The following AXIN1 variants were observed in gnomAD, a reference collection of about 807,000 sequenced individuals.
The protein encoded by AXIN1 is axin-1.
Under a neutral mutation model 76.4 loss-of-function variants are expected in AXIN1, and 30 were observed. The observed-to-expected ratio is 0.39, with a 90% CI of 0.29 to 0.53. The LOEUF (loss-of-function observed/expected upper bound fraction) is 0.53, where lower values mean the gene tolerates loss of function less well. AXIN1 is among the 20% of genes least tolerant of loss of function. AXIN1 has a pLI of 0.66. For synonymous variants in AXIN1, 545 were observed against 501.4 expected (o/e 1.09, Z -1.16); for missense variants, 1,140 against 1,198.8 (o/e 0.95, Z 0.72).
chr16:289,295 A>C, intron 10 of AXIN1, 145 bp downstream of exon 10: 1 of 1,023,550 alleles, frequency 9.8e-7, no homozygotes, highest in Non-Finnish European at 1.5e-6. Context: ...CGAACTGCTG[A>C]GCTGAGGCAA....
At chr16:334,792 G>T (rs529655228) in intron 2 of AXIN1, among the ~76,000 whole-genome samples, 1 of 150,120 alleles carries the variant, frequency 6.7e-6, no homozygotes, top group South Asian at 2.1e-4. Context: ...GCCACAGCAT[G>T]CCAATAACAC....
intron 2 of AXIN1, among the ~76,000 whole-genome samples, chr16:337,858 T>C (rs1179449142): frequency 1.3e-5 from 2 of 152,240 alleles, no homozygotes; most frequent in Admixed American, 6.5e-5. Context: ...GGGGGCCCCC[T>C]GGACGCCACA....
At chr16:289,747 GC>G (rs200153447) in intron 9 of AXIN1, 140 bp from the exon 10 acceptor site, 5 of 1,003,978 alleles carry the variant, frequency 5.0e-6, no homozygotes, top group South Asian at 2.9e-5. Context: ...CCTGGGGCCC[GC>G]AGCCCCCGCA....
chr16:344,732 G>A (rs887306469), intron 2 of AXIN1, among the ~76,000 whole-genome samples: 52 of 152,154 alleles, frequency 3.4e-4, no homozygotes, highest in African/African-American at 1.0e-3. Context: ...CAGGTGATTC[G>A]CCCGCCTCGG....
intron 2 of AXIN1, among the ~76,000 whole-genome samples, chr16:326,354 C>CAAA (rs1187459071): frequency 0.074 from 4,734 of 63,784 alleles, 269 homozygotes; most frequent in Non-Finnish European, 0.11. Context: ...AACTCCGTCT[C>CAAA]AAAAAAAAAA....
chr16:318,470 T>C (rs2053355026), intron 2 of AXIN1, among the ~76,000 whole-genome samples: 1 of 152,142 alleles, frequency 6.6e-6, no homozygotes, highest in South Asian at 2.1e-4. Flanking sequence ...GCCCTGGCTC[T>C]CAGGATCTGC....
At chr16:302,693 T>C (rs2052906549) in intron 5 of AXIN1, among the ~76,000 whole-genome samples, 1 of 152,144 alleles carries the variant, frequency 6.6e-6, no homozygotes, top group African/African-American at 2.4e-5. Flanking sequence ...CCGAGGGGTC[T>C]CCTGTGGTCT....
At chr16:350,539 T>C (rs892947489) in intron 1 of AXIN1, among the ~76,000 whole-genome samples, 1 of 152,214 alleles carries the variant, frequency 6.6e-6, no homozygotes, top group African/African-American at 2.4e-5. Flanking sequence ...TGTAGGTATT[T>C]ATTTTACCCA....
Position 293,237 on chromosome 16 carries a change from C to T in AXIN1, c.2186+251G>A. 3.5e-6 allele frequency: 2 copies of T among 567,984 alleles called. No homozygotes were observed. The highest frequency in any genetic ancestry group is 6.3e-6 in the Non-Finnish European group (2 of 317,080). 35.2% of individuals were successfully genotyped at this position (567,984 alleles called of 1,614,324 possible). On this transcript the variant is annotated intron_variant, in intron 8 of 10. Coordinates refer to ENST00000262320, the MANE Select transcript of AXIN1 (RefSeq NM_003502.4). This position sits in a 1 kb window ranked among gnomAD's most constrained non-coding sequence, Gnocchi z 4.6. ...AGACTGGGCTCAGGTTGAGGAGGGA[C>T]CCCGCCTCCAGAGCAATGAGCGCGG...
chr16:314,458 T>C (rs1456227143), intron 3 of AXIN1, 85 bp downstream of exon 3: 1 of 1,586,418 alleles, frequency 6.3e-7, no homozygotes, highest in Non-Finnish European at 8.6e-7. Context: ...GACTTACACA[T>C]TGCTGTCCTC....
At chr16:321,238 A>G (rs2053450745) in intron 2 of AXIN1, among the ~76,000 whole-genome samples, 1 of 150,642 alleles carries the variant, frequency 6.6e-6, no homozygotes, top group African/African-American at 2.4e-5. Flanking sequence ...AGGAGCCGCC[A>G]CCCTCCCTGG....
chr16:287,548 C>T lies in AXIN1; in HGVS notation c.*574G>A, dbSNP rs575891478. 2 of 255,774 alleles carry T rather than the reference C, an allele frequency of 7.8e-6. No homozygotes were observed. The highest frequency in any genetic ancestry group is 5.1e-5 in the East Asian group (1 of 19,682). The allele number at this position is 255,774 out of a possible 1,614,324, so 15.8% of individuals were successfully genotyped here. A position where few individuals can be genotyped will look rare whatever the true frequency, so the allele number is the denominator to read the frequency against. ...AACAGACTCGGGCAGCCCCTGCTGG[C>T]CTAGCCTGAGAAATGTACATATTTA... On this transcript the variant is annotated 3_prime_UTR_variant, in exon 11 of 11. Transcript: ENST00000262320.
At chr16:345,532 T>G (rs561915049) in intron 2 of AXIN1, among the ~76,000 whole-genome samples, 1 of 152,136 alleles carries the variant, frequency 6.6e-6, no homozygotes, top group African/African-American at 2.4e-5. Flanking sequence ...CTGGCCAACA[T>G]GGAGAAACCC....
rs1018239077 is a variant in AXIN1, at chr16:340,993, G to C, written c.878+5155C>G. Among the ~76,000 whole-genome samples, 12 of 152,380 alleles carry C rather than the reference G, an allele frequency of 7.9e-5. No individual in the cohort carries two copies. The East Asian group carries it at 1.4e-3, about 17-fold the overall frequency. On this transcript the variant is annotated intron_variant, in intron 2 of 10. Transcript: ENST00000262320. ...CCGCAGGGGATGAGCGACTGTGGCA[G>C]AGATGCAGGCAAAGTAGCCTCCAGG...
intron 2 of AXIN1, among the ~76,000 whole-genome samples, chr16:337,870 CA>C (rs2053840031): frequency 1.3e-5 from 2 of 152,248 alleles, no homozygotes; most frequent in Non-Finnish European, 1.5e-5. Flanking sequence ...GACGCCACAG[CA>C]GTATGGCAGA....
chr16:309,903 C>G (rs138082514), intron 4 of AXIN1, 70 bp downstream of exon 4: 1 of 1,498,876 alleles, frequency 6.7e-7, no homozygotes, highest in Non-Finnish European at 9.2e-7. Context: ...GCCTTTCCCG[C>G]GGACCAGTTC....
chr16:289,424 C>T lies in AXIN1; in HGVS notation c.2462+16G>A, dbSNP rs1278374217. On this transcript the variant is annotated intron_variant, in intron 10 of 10. Transcript: ENST00000262320. ...ATACTCGTGCGGGGAGGGGGCACCC[C>T]AGCCCTCACACTCACCTGTAGCTGC... 6 of 1,612,560 alleles carry T rather than the reference C, an allele frequency of 3.7e-6. No homozygotes were observed. Among genetic ancestry groups the T allele is most frequent in the Non-Finnish European group, 1.7e-6 (2 of 1,179,928 alleles).
Position 293,516 on chromosome 16 carries a change from T to C in AXIN1, c.2158A>G (p.Arg720Gly), listed in dbSNP as rs2141485004. 6.2e-7 allele frequency: 1 copy of C among 1,610,334 alleles called. No homozygotes were observed. Among genetic ancestry groups the C allele is most frequent in the African/African-American group, 1.3e-5 (1 of 74,986 alleles). ...TGCTTGGAGGGTGCTCGGCTGGCTC[T>C]CTTTTCTTCCTCCTCCAGACGTCGG... is the stretch of plus-strand genomic sequence containing the variant. ...ARRRLEEEEK[R>G]ASRAPSKQRY... is the part of the protein sequence containing the mutation. Residue 720 changes from arginine to glycine, a missense_variant, in exon 8 of 11, where the codon AGA becomes GGA. Arg to Gly is a moderately radical substitution (Grantham distance 125). Coordinates refer to ENST00000262320, the MANE Select transcript of AXIN1 (RefSeq NM_003502.4). This position sits in a 1 kb window ranked among gnomAD's most constrained non-coding sequence, Gnocchi z 4.6.
At chr16:318,908 T>C (rs1346609063) in intron 2 of AXIN1, among the ~76,000 whole-genome samples, 1 of 151,288 alleles carries the variant, frequency 6.6e-6, no homozygotes, top group African/African-American at 2.4e-5. Context: ...GCCGGGGCCT[T>C]GGTGAGAGTG....
Sources: allele counts gnomAD v4.1 joint callset (sites outside exome capture counted in the v4.1 genomes callset), GRCh38; gene constraint gnomAD v4.1.1; non-coding constraint Gnocchi (gnomAD v3.1); transcripts MANE v1.5; gene names NCBI Gene and HGNC (gene_info 2026-07-23, HGNC 2026-07-21).